Variants in SCFD2 observed in about 807,000 individuals in gnomAD.
SCFD2 encodes the protein sec1 family domain containing 2.
SCFD2 carries 54 observed loss-of-function variants against 58.9 expected under a neutral mutation model. That is an observed-to-expected ratio of 0.92 (90% CI 0.74 to 1.15). The LOEUF (loss-of-function observed/expected upper bound fraction) is 1.15. SCFD2 is among the 50% of genes most tolerant of loss of function. The probability of loss-of-function intolerance (pLI) is 0.00; values close to 1 mark genes in which losing one functional copy is unlikely to be tolerated. For synonymous variants in SCFD2, 321 were observed against 335.9 expected (o/e 0.96, Z 0.49); for missense variants, 805 against 836.6 (o/e 0.96, Z 0.47).
rs1359390487 is a variant in SCFD2 at position 52,873,600 on chromosome 4, A to C, written c.*369T>G. 6.1e-6 allele frequency: 1 copy of C among 164,746 alleles called. No homozygotes were observed. The highest frequency in any genetic ancestry group is 1.3e-5 in the Non-Finnish European group (1 of 76,404). The allele number at this position is 164,746 out of a possible 1,614,324, so 10.2% of individuals were successfully genotyped here. ...ATGTCTAACTTCTCGAGCAACTTCAAATAAAAAGAGTTGTAATCTACCAAC... is the reference window on the plus strand; with the variant it reads ...ATGTCTAACTTCTCGAGCAACTTCACATAAAAAGAGTTGTAATCTACCAAC... On this transcript the variant is annotated 3_prime_UTR_variant, in exon 9 of 9. Coordinates refer to ENST00000401642, the MANE Select transcript of SCFD2 (RefSeq NM_152540.4).
intron 5 of SCFD2, among the ~76,000 whole-genome samples, chr4:52,921,925 T>G (rs146076462): frequency 3.2e-3 from 493 of 152,288 alleles, no homozygotes; most frequent in Non-Finnish European, 5.5e-3. Context: ...TCCCATTTTC[T>G]CTTCCCGTGG....
intron 4 of SCFD2, among the ~76,000 whole-genome samples, chr4:53,251,723 G>A (rs1167133542): frequency 3.9e-5 from 6 of 152,004 alleles, no homozygotes; most frequent in Non-Finnish European, 8.8e-5. Flanking sequence ...AGGTATTGAT[G>A]GGACGTATCT....
chr4:53,087,715 A>C (rs1019140104), intron 5 of SCFD2, among the ~76,000 whole-genome samples: 77 of 144,632 alleles, frequency 5.3e-4, no homozygotes, highest in Admixed American at 1.1e-3. Flanking sequence ...GCTGGAGTAC[A>C]ATGGCATGAT....
intron 2 of SCFD2, among the ~76,000 whole-genome samples, chr4:53,339,535 C>T (rs778762467): frequency 3.9e-5 from 6 of 151,976 alleles, no homozygotes; most frequent in East Asian, 1.9e-4. Flanking sequence ...TTTGGGAGGC[C>T]GAGGCGGGCA....
intron 2 of SCFD2, among the ~76,000 whole-genome samples, chr4:53,328,005 T>C (rs1223227715): frequency 2.6e-5 from 4 of 151,910 alleles, no homozygotes; most frequent in African/African-American, 9.7e-5. Flanking sequence ...CATGGTGGCA[T>C]GTGCCTGTAG....
chr4:53,149,672 C>T (rs1290988401), intron 4 of SCFD2, among the ~76,000 whole-genome samples: 3 of 152,204 alleles, frequency 2.0e-5, no homozygotes, highest in East Asian at 3.9e-4. Flanking sequence ...CTTAGCATAA[C>T]CAGTGATAAA....
At chr4:53,271,529 C>G (rs918237172) in intron 4 of SCFD2, among the ~76,000 whole-genome samples, 4 of 151,784 alleles carry the variant, frequency 2.6e-5, no homozygotes, top group African/African-American at 9.7e-5. Context: ...GTGGCACAAT[C>G]TCAGCTCACT....
intron 5 of SCFD2, among the ~76,000 whole-genome samples, chr4:53,072,358 G>A (rs1723840626): frequency 6.6e-6 from 1 of 152,012 alleles, no homozygotes; most frequent in African/African-American, 2.4e-5. Flanking sequence ...TTTTAACAAA[G>A]AACAGCCTGA....
chr4:53,208,301 C>T (rs2148977206), intron 4 of SCFD2, among the ~76,000 whole-genome samples: 1 of 152,132 alleles, frequency 6.6e-6, no homozygotes. Context: ...CAAGAACAGA[C>T]TAATACATTG....
At chr4:52,887,611 G>A (rs1361606712) in intron 7 of SCFD2, among the ~76,000 whole-genome samples, 1 of 152,176 alleles carries the variant, frequency 6.6e-6, no homozygotes, top group South Asian at 2.1e-4. Context: ...AGCCAGAATG[G>A]AGCATGCATG....
chr4:53,342,521 A>G (rs1733913811), intron 2 of SCFD2, among the ~76,000 whole-genome samples: 2 of 152,292 alleles, frequency 1.3e-5, no homozygotes, highest in East Asian at 3.9e-4. Context: ...AGATGTTAAC[A>G]CCCCATTGTC....
intron 5 of SCFD2, among the ~76,000 whole-genome samples, chr4:53,049,744 T>G (rs1337137580): frequency 6.6e-6 from 1 of 152,168 alleles, no homozygotes; most frequent in Non-Finnish European, 1.5e-5. Flanking sequence ...CTAATCTGAG[T>G]CTATCTCTTT....
chr4:52,878,451 T>C (rs1718532567), intron 8 of SCFD2, among the ~76,000 whole-genome samples: 1 of 152,226 alleles, frequency 6.6e-6, no homozygotes, highest in South Asian at 2.1e-4. Context: ...ACATAGAGCA[T>C]GAAATATAAT....
chr4:53,294,650 C>T (rs1731960080), intron 3 of SCFD2, among the ~76,000 whole-genome samples: 1 of 152,132 alleles, frequency 6.6e-6, no homozygotes, highest in African/African-American at 2.4e-5. Context: ...CTAATTGGAT[C>T]CCATTTGTCT....
intron 5 of SCFD2, among the ~76,000 whole-genome samples, chr4:52,925,545 G>A (rs1294369899): frequency 6.7e-6 from 1 of 149,622 alleles, no homozygotes. Flanking sequence ...AAGGTGTGAG[G>A]CATCCCGGGC....
chr4:53,007,385 AGAAG>A (rs1423993421), intron 5 of SCFD2, among the ~76,000 whole-genome samples: 31 of 79,972 alleles, frequency 3.9e-4, no homozygotes, highest in African/African-American at 1.4e-3. Context: ...AAGGAAGGAA[AGAAG>A]GAAGGAAGGA....
chr4:53,086,425 G>C (rs1354814848), intron 5 of SCFD2, among the ~76,000 whole-genome samples: 1 of 152,146 alleles, frequency 6.6e-6, no homozygotes, highest in Non-Finnish European at 1.5e-5. Flanking sequence ...CCTATACACT[G>C]TTGGTGGGAA....
At chr4:52,888,553 T>C (rs1010105511) in intron 7 of SCFD2, among the ~76,000 whole-genome samples, 2 of 152,224 alleles carry the variant, frequency 1.3e-5, no homozygotes, top group Admixed American at 6.5e-5. Context: ...GGCTATCATA[T>C]TGTAGGAGTC....
In SCFD2 at chr4:53,310,778, A is replaced by T. The variant is rs549564027; in HGVS notation, c.1135+2858T>A. Among the ~76,000 whole-genome samples the T allele has an allele frequency of 5.3e-4, 81 of 152,314 alleles. 1 individual carries two copies. Among genetic ancestry groups the T allele is most frequent in the Non-Finnish European group, 9.3e-4 (63 of 68,020 alleles). ...TTTCTCTTGGTGCTCATAACGTTTT[A>T]ACATGAATTTACCTTGTACTGAGAA... On this transcript the variant is annotated intron_variant, in intron 3 of 8. Transcript: ENST00000401642.
Sources: allele counts gnomAD v4.1 joint callset (sites outside exome capture counted in the v4.1 genomes callset), GRCh38; gene constraint gnomAD v4.1.1; transcripts MANE v1.5; gene names NCBI Gene and HGNC (gene_info 2026-07-23, HGNC 2026-07-21).